The following SPPL2B variants were observed in gnomAD, a reference collection of about 807,000 sequenced individuals.
The protein encoded by SPPL2B is signal peptide peptidase-like 2B.
A neutral mutation model predicts 59.7 loss-of-function variants in SPPL2B; 39 were observed. That is an observed-to-expected ratio of 0.65 (90% confidence interval 0.51 to 0.85). SPPL2B has a LOEUF of 0.85. Ranked by LOEUF, SPPL2B falls within the 40% of genes least tolerant of loss-of-function variation. SPPL2B has a pLI of 0.00. For missense variants in SPPL2B, 865 were observed against 849.0 expected (o/e 1.02, Z -0.23); for synonymous variants, 419 against 370.8 (o/e 1.13, Z -1.49).
intron 12 of SPPL2B, 35 bp from the exon 13 acceptor site, chr19:2,345,218 G>C (rs773517500): frequency 1.0e-5 from 16 of 1,599,148 alleles, no homozygotes; most frequent in Non-Finnish European, 1.4e-5. Flanking sequence ...AGGCTCTGCG[G>C]GCCCGAGTAA....
intron 1 of SPPL2B, 140 bp from the exon 2 acceptor site, chr19:2,334,462 G>A (rs1968446193): frequency 8.7e-7 from 1 of 1,155,794 alleles, no homozygotes; most frequent in Non-Finnish European, 1.2e-6. Context: ...CCTGTCGAGA[G>A]GGGGAAGCAT....
intron 6 of SPPL2B, 42 bp from the exon 7 acceptor site, chr19:2,340,034 C>A: frequency 1.3e-6 from 2 of 1,562,980 alleles, no homozygotes. Flanking sequence ...GGGAGGGTGG[C>A]GTGCGGGCCT....
intron 2 of SPPL2B, among the ~76,000 whole-genome samples, chr19:2,335,298 C>T (rs1387451041): frequency 1.5e-5 from 2 of 134,002 alleles, no homozygotes; most frequent in Admixed American, 1.5e-4. Flanking sequence ...CTTCAGGCCC[C>T]GCCTCCTTTC....
At chr19:2,337,762 C>T (rs934653401) in intron 3 of SPPL2B, 137 bp downstream of exon 3, 8 of 885,640 alleles carry the variant, frequency 9.0e-6, no homozygotes, top group African/African-American at 8.6e-5. Flanking sequence ...GGATCTGGGC[C>T]GAGTGTGAAC....
intron 1 of SPPL2B, among the ~76,000 whole-genome samples, chr19:2,329,251 T>G (rs1219798818): frequency 6.6e-6 from 1 of 152,220 alleles, no homozygotes; most frequent in South Asian, 2.1e-4. Flanking sequence ...CCCCAGTAAC[T>G]GGCAGCATCC....
rs574604961 is a variant in SPPL2B, at chr19:2,343,244, C to T, written c.990C>T (p.Ile330=). The T allele has an allele frequency of 4.2e-5, 66 of 1,556,448 alleles. No individual in the cohort carries two copies. The African/African-American group carries it at 7.8e-4, about 18-fold the overall frequency. The part of the protein sequence containing the change: ...WAWVLQDALG[I]AFCLYMLKTI... Reference sequence around the variant, plus strand: ...GGGTCCTCCAGGATGCCCTGGGCATCGCCTTCTGCCTCTACATGCTGAAGA... The same window carrying T: ...GGGTCCTCCAGGATGCCCTGGGCATTGCCTTCTGCCTCTACATGCTGAAGA... The change falls in exon 9 of 15, where the codon ATC becomes ATT. Residue 330 remains isoleucine, a synonymous_variant. Coordinates refer to ENST00000613503, the MANE Select transcript of SPPL2B (RefSeq NM_152988.3).
intron 14 of SPPL2B, 80 bp from the exon 15 acceptor site, chr19:2,352,866 G>C (rs1970001617): frequency 6.6e-7 from 1 of 1,513,822 alleles, no homozygotes; most frequent in African/African-American, 1.4e-5. Context: ...TGGCCTGCGG[G>C]TGCTGGGTGT....
intron 12 of SPPL2B, 35 bp downstream of exon 12, chr19:2,344,687 G>A (rs1436668109): frequency 7.2e-6 from 10 of 1,394,384 alleles, no homozygotes; most frequent in Non-Finnish European, 1.0e-5. Context: ...GGTCCACGCT[G>A]TGGGGCAGGG....
chr19:2,330,965 G>T (rs1192624515), intron 1 of SPPL2B, among the ~76,000 whole-genome samples: 1 of 152,206 alleles, frequency 6.6e-6, no homozygotes, highest in South Asian at 2.1e-4. Flanking sequence ...AGTGCTTCGC[G>T]GCAGTGGAAA....
At chr19:2,345,801 G>A (rs1218952563) in intron 13 of SPPL2B, among the ~76,000 whole-genome samples, 1 of 90,470 alleles carries the variant, frequency 1.1e-5, no homozygotes, top group African/African-American at 4.6e-5. Context: ...CTCCATCCCC[G>A]TCTTTCTCAT....
At chr19:2,349,423 C>A (rs1969744691) in intron 13 of SPPL2B, among the ~76,000 whole-genome samples, 1 of 43,080 alleles carries the variant, frequency 2.3e-5, no homozygotes, top group Non-Finnish European at 4.9e-5. Context: ...TCGCTTGATT[C>A]CGTTCTCTCT....
Position 2,338,786 on chromosome 19 carries a change from A to T in SPPL2B, c.404A>T (p.Glu135Val). The T allele has an allele frequency of 6.2e-7, 1 of 1,613,526 alleles. No individual in the cohort carries two copies. The highest frequency in any genetic ancestry group is 8.5e-7 in the Non-Finnish European group (1 of 1,179,666). Reference sequence around the variant, plus strand: ...GGGGGTAATAAGACGCAGTATGATGAGATTGGCATTCCCGTGGCCCTGCTC... The same window carrying T: ...GGGGGTAATAAGACGCAGTATGATGTGATTGGCATTCCCGTGGCCCTGCTC... The part of the protein sequence containing the change: ...PPGGNKTQYD[E>V]IGIPVALLSY... Residue 135 changes from glutamate (E) to valine (V), a missense_variant, in exon 4 of 15, where the codon GAG (glutamate) becomes GTG (valine). Coordinates refer to ENST00000613503, the MANE Select transcript of SPPL2B (RefSeq NM_152988.3).
At chr19:2,347,320 C>T (rs1278038645) in intron 13 of SPPL2B, among the ~76,000 whole-genome samples, 41 of 93,438 alleles carry the variant, frequency 4.4e-4, no homozygotes, top group African/African-American at 9.5e-4. Flanking sequence ...CACACACACT[C>T]ACGCGCTCTC....
In SPPL2B at chr19:2,340,919, C is replaced by T. The variant is rs1312485053; in HGVS notation, c.861C>T (p.Pro287=). Residue 287 remains proline (P), a synonymous_variant, in exon 8 of 15, where the codon CCC becomes CCT. Transcript: ENST00000613503. The part of the protein sequence containing the change: ...GKCRIPNNSL[P]YFHKRPQARM... Reference sequence around the variant, plus strand: ...CCAGGATCCCCAACAACAGCCTGCCCTACTTCCACAAGCGCCCGCAGGCCC... The same window carrying T: ...CCAGGATCCCCAACAACAGCCTGCCTTACTTCCACAAGCGCCCGCAGGCCC... The T allele has an allele frequency of 6.3e-7, 1 of 1,598,400 alleles. No individual in the cohort carries two copies. The highest frequency in any genetic ancestry group is 8.5e-7 in the Non-Finnish European group (1 of 1,177,512).
rs531282710 is a variant in SPPL2B at position 2,337,757 on chromosome 19, TG to T, written c.369+135del. 468 of 938,668 alleles carry T rather than the reference TG, an allele frequency of 5.0e-4. 4 individuals carry two copies. In the African/African-American group the frequency reaches 6.8e-3, roughly 14 times the overall value. 58.1% of individuals were successfully genotyped at this position (938,668 alleles called of 1,614,324 possible). A position where few individuals can be genotyped will look rare whatever the true frequency, so the allele number is the denominator to read the frequency against. On this transcript the variant is annotated intron_variant, in intron 3 of 14. Transcript: ENST00000613503. ...GGCAGATCCATCTGTGGGGAGGATC[TG>T]GGCCGAGTGTGAACATGGGGAGGAT...
chr19:2,334,201 G>A (rs954312636), intron 1 of SPPL2B, among the ~76,000 whole-genome samples: 3 of 152,210 alleles, frequency 2.0e-5, no homozygotes, highest in Admixed American at 6.5e-5. Flanking sequence ...GGCCAGGTCC[G>A]CTGGGGCCCT....
chr19:2,339,774 G>A (rs60107832), intron 5 of SPPL2B, 50 bp from the exon 6 acceptor site: 209,167 of 1,579,822 alleles, frequency 0.13, 18,103 homozygotes, highest in African/African-American at 0.41. Flanking sequence ...CCCGAGCCCC[G>A]TGTCGGCCAG....
At chr19:2,335,332 CTCATTTCCCACTGCA>C in intron 2 of SPPL2B, among the ~76,000 whole-genome samples, 1 of 116,060 alleles carries the variant, frequency 8.6e-6, no homozygotes, top group Non-Finnish European at 1.8e-5. Flanking sequence ...CAGGCCCCGC[CTCATTTCCCACTGCA>C]TCCTTCAGGC....
At chr19:2,346,911 T>TG (rs1969398631) in intron 13 of SPPL2B, among the ~76,000 whole-genome samples, 1 of 152,164 alleles carries the variant, frequency 6.6e-6, no homozygotes, top group Non-Finnish European at 1.5e-5. Flanking sequence ...AATACAGAGA[T>TG]GGGTGTTAGA....
Sources: gnomAD v4.1 joint callset for allele counts (sites outside exome capture counted in the v4.1 genomes callset) on GRCh38, gnomAD v4.1.1 for gene constraint, MANE v1.5 for transcripts, NCBI Gene and HGNC (gene_info 2026-07-23, HGNC 2026-07-21) for gene names.